Variants in BTC observed in about 807,000 individuals in gnomAD.
The protein encoded by BTC is betacellulin.
In BTC, 13 loss-of-function variants were observed where a neutral mutation model predicts 18.1. The observed-to-expected ratio is 0.72, with a 90% CI of 0.47 to 1.14. BTC has a LOEUF of 1.14. Among genes scored for constraint, BTC ranks in the 50% most tolerant of loss-of-function variants. The pLI is 0.00. For synonymous variants in BTC, 83 were observed against 79.4 expected (o/e 1.05, Z -0.24); for missense variants, 247 against 224.2 (o/e 1.10, Z -0.65).
chr4:74,749,483 A>AAAATAAATAAATAAAT (rs10654944), intron 4 of BTC, among the ~76,000 whole-genome samples: 2,082 of 143,678 alleles, frequency 0.014, 51 homozygotes, highest in African/African-American at 0.05. Flanking sequence ...ACTCTGTCTC[A>AAAATAAATAAATAAAT]AAATAAATAA....
chr4:74,790,765 C>T (rs1345399866), intron 1 of BTC, among the ~76,000 whole-genome samples: 1 of 152,154 alleles, frequency 6.6e-6, no homozygotes, highest in Non-Finnish European at 1.5e-5. Context: ...CTGACCAATA[C>T]CAACTGAACA....
At chr4:74,759,262 G>GT (rs112461212) in intron 2 of BTC, among the ~76,000 whole-genome samples, 6,000 of 152,218 alleles carry the variant, frequency 0.039, 385 homozygotes, top group African/African-American at 0.14. Flanking sequence ...CCTAAGTGTC[G>GT]TATTTCTCTG....
At chr4:74,752,502 C>T (rs1724490871) in intron 3 of BTC, among the ~76,000 whole-genome samples, 1 of 151,700 alleles carries the variant, frequency 6.6e-6, no homozygotes, top group Non-Finnish European at 1.5e-5. Context: ...CCTCAGCTTC[C>T]GAAGTAACTG....
chr4:74,769,326 C>G (rs1272060259), intron 2 of BTC, among the ~76,000 whole-genome samples: 1 of 152,072 alleles, frequency 6.6e-6, no homozygotes, highest in East Asian at 1.9e-4. Context: ...TAACCTTAGA[C>G]CAGGGGTCAG....
chr4:74,747,525 C>A (rs1330188313), intron 5 of BTC, among the ~76,000 whole-genome samples: 1 of 152,100 alleles, frequency 6.6e-6, no homozygotes, highest in African/African-American at 2.4e-5. Flanking sequence ...CAGCTCCCAA[C>A]AATTCTCAAG....
At chr4:74,751,380 T>A (rs1342972909) in intron 3 of BTC, among the ~76,000 whole-genome samples, 1 of 152,122 alleles carries the variant, frequency 6.6e-6, no homozygotes, top group Non-Finnish European at 1.5e-5. Context: ...CTTCATTACA[T>A]CCCTGCAAAC....
rs771684315 is a variant in BTC, at chr4:74,790,182, G to A, written c.64+4080C>T. Among the ~76,000 whole-genome samples the A allele has an allele frequency of 9.9e-5, 15 of 152,214 alleles. No individual in the cohort carries two copies. In the South Asian group the frequency reaches 1.5e-3, roughly 15 times the overall value. The stretch of plus-strand genomic sequence containing the variant: ...TAATTAGTAGAGCCTGATGACATTC[G>A]GGAAGTATCCAGAATCAAAATGTCA... On this transcript the variant is annotated intron_variant, in intron 1 of 5. Transcript: ENST00000395743.
intron 2 of BTC, among the ~76,000 whole-genome samples, chr4:74,769,070 C>G (rs1200237533): frequency 1.3e-5 from 2 of 152,150 alleles, no homozygotes; most frequent in Non-Finnish European, 2.9e-5. Flanking sequence ...ATCAGGAAGA[C>G]TTGCTCAGTG....
intron 1 of BTC, among the ~76,000 whole-genome samples, chr4:74,776,831 C>A (rs1339103396): frequency 6.6e-6 from 1 of 152,136 alleles, no homozygotes; most frequent in Non-Finnish European, 1.5e-5. Context: ...TATAATATCA[C>A]AAAATGTCCA....
chr4:74,790,762 A>G (rs999302257), intron 1 of BTC, among the ~76,000 whole-genome samples: 1 of 152,186 alleles, frequency 6.6e-6, no homozygotes, highest in East Asian at 1.9e-4. Flanking sequence ...GGTCTGACCA[A>G]TACCAACTGA....
chr4:74,749,931 CAA>C lies in BTC; in HGVS notation c.428+640_428+641del, dbSNP rs782482968. 6.2e-4 allele frequency among the ~76,000 whole-genome samples: 46 copies of C among 74,016 alleles called. 1 individual carries two copies. Among genetic ancestry groups the C allele is most frequent in the Admixed American group, 2.8e-3 (17 of 6,106 alleles). 48.6% of individuals were successfully genotyped at this position (74,016 alleles called of 152,430 possible). A position where few individuals can be genotyped will look rare whatever the true frequency, so the allele number is the denominator to read the frequency against. On this transcript the variant is annotated intron_variant, in intron 4 of 5. Coordinates refer to ENST00000395743, the MANE Select transcript of BTC (RefSeq NM_001729.4). ...ACAACATAGTGAGAGCCAGTCTCCA[CAA>C]AAAAAAAAAAAAAAAAGCCTGGCTT...
At chr4:74,769,941 A>G (rs1344203627) in intron 2 of BTC, 117 bp downstream of exon 2, 2 of 795,058 alleles carry the variant, frequency 2.5e-6, no homozygotes, top group Non-Finnish European at 4.1e-6. Context: ...TATATAAAGC[A>G]CTTAGCACAG....
At chr4:74,751,364 C>T (rs147832202) in intron 3 of BTC, among the ~76,000 whole-genome samples, 122 of 152,050 alleles carry the variant, frequency 8.0e-4, no homozygotes, top group African/African-American at 2.8e-3. Context: ...TTCTGTTCGC[C>T]GCCTCCTTCA....
intron 2 of BTC, among the ~76,000 whole-genome samples, chr4:74,759,282 G>T (rs1219723573): frequency 6.6e-6 from 1 of 152,206 alleles, no homozygotes; most frequent in Non-Finnish European, 1.5e-5. Flanking sequence ...GCTGTAAAGT[G>T]AATGACATAG....
chr4:74,755,714 C>T (rs1724578162), intron 3 of BTC, 145 bp downstream of exon 3: 1 of 713,122 alleles, frequency 1.4e-6, no homozygotes, highest in Non-Finnish European at 2.4e-6. Flanking sequence ...CTGAGTGGGC[C>T]CCTAAACAAG....
At chr4:74,784,140 G>A (rs1460972477) in intron 1 of BTC, among the ~76,000 whole-genome samples, 2 of 151,306 alleles carry the variant, frequency 1.3e-5, no homozygotes, top group Non-Finnish European at 2.9e-5. Context: ...GCTGAGGCAG[G>A]AGAATTGCTT....
chr4:74,788,971 G>A (rs1159627472), intron 1 of BTC, among the ~76,000 whole-genome samples: 1 of 152,212 alleles, frequency 6.6e-6, no homozygotes, highest in Admixed American at 6.5e-5. Flanking sequence ...TGTGTGTCGG[G>A]AGAGAGGGAG....
chr4:74,773,586 G>A (rs1337557884), intron 1 of BTC, among the ~76,000 whole-genome samples: 1 of 151,676 alleles, frequency 6.6e-6, no homozygotes, highest in African/African-American at 2.4e-5. Context: ...TAACCTTAAG[G>A]AGATCACATT....
chr4:74,778,820 G>C (rs1482460295), intron 1 of BTC, among the ~76,000 whole-genome samples: 1 of 152,130 alleles, frequency 6.6e-6, no homozygotes, highest in Non-Finnish European at 1.5e-5. Flanking sequence ...CTGACCAAGA[G>C]ACAATGAAGG....
Sources: allele counts gnomAD v4.1 joint callset (sites outside exome capture counted in the v4.1 genomes callset), GRCh38; gene constraint gnomAD v4.1.1; transcripts MANE v1.5; gene names NCBI Gene and HGNC (gene_info 2026-07-23, HGNC 2026-07-21).